The following ATP11C variants were observed in gnomAD, a reference collection of about 807,000 sequenced individuals.
ATP11C encodes phospholipid-transporting ATPase IG.
A neutral mutation model predicts 97.4 loss-of-function variants in ATP11C; 36 were observed. The observed-to-expected ratio is 0.37, with a 90% CI of 0.28 to 0.49. ATP11C has a LOEUF of 0.49. Among genes scored for constraint, ATP11C ranks in the 20% least tolerant of loss-of-function variants. The pLI, the probability that ATP11C is intolerant of heterozygous loss-of-function variation, is 0.98. For synonymous variants in ATP11C, 275 were observed against 290.9 expected (o/e 0.95, Z 0.56); for missense variants, 730 against 824.6 (o/e 0.89, Z 1.40).
chrX:139,763,223 T>A, intron 21 of ATP11C, 93 bp downstream of exon 21: 1 of 659,388 alleles, frequency 1.5e-6, no homozygotes, highest in Non-Finnish European at 2.3e-6. Context: ...TCAAGATGAG[T>A]AACCAAAACA....
chrX:139,853,065 C>T (rs1259255288), intron 1 of ATP11C, among the ~76,000 whole-genome samples: 3 of 111,330 alleles, frequency 2.7e-5, no homozygotes, highest in Non-Finnish European at 5.7e-5. Flanking sequence ...AGGGGTTGAG[C>T]CTCCTGGGAC....
intron 15 of ATP11C, 69 bp downstream of exon 15, chrX:139,787,104 C>T: frequency 8.4e-7 from 1 of 1,192,262 alleles, no homozygotes; most frequent in Admixed American, 2.2e-5. Context: ...CTTTGCTGCC[C>T]TGCCTGAATC....
At chrX:139,837,605 A>G (rs746217352) in intron 1 of ATP11C, among the ~76,000 whole-genome samples, 1 of 112,695 alleles carries the variant, frequency 8.9e-6, no homozygotes, top group African/African-American at 3.2e-5. Context: ...ATGCTGTCAA[A>G]TAGAAAATAG....
At chrX:139,837,202 G>A (rs1352805175) in intron 1 of ATP11C, among the ~76,000 whole-genome samples, 1 of 112,052 alleles carries the variant, frequency 8.9e-6, no homozygotes, top group Non-Finnish European at 1.9e-5. Flanking sequence ...GTAGTTAGAA[G>A]TTCTATTCAA....
At chrX:139,848,274 A>G in intron 1 of ATP11C, among the ~76,000 whole-genome samples, 1 of 111,152 alleles carries the variant, frequency 9.0e-6, no homozygotes, top group South Asian at 3.8e-4. Context: ...ATCCACATGC[A>G]ACACCCACCC....
At chrX:139,781,890 A>T (rs746548390) in intron 18 of ATP11C, among the ~76,000 whole-genome samples, 18 of 111,791 alleles carry the variant, frequency 1.6e-4, no homozygotes, top group Non-Finnish European at 2.3e-4. Context: ...CACCAGCTCA[A>T]ACAATGGCTG....
intron 1 of ATP11C, among the ~76,000 whole-genome samples, chrX:139,839,025 T>C (rs552454906): frequency 6.3e-4 from 70 of 111,527 alleles, no homozygotes; most frequent in Middle Eastern, 4.7e-3. Flanking sequence ...ATCCATACAA[T>C]GAAATATTAT....
At chrX:139,901,549 C>G in intron 1 of ATP11C, among the ~76,000 whole-genome samples, 1 of 111,523 alleles carries the variant, frequency 9.0e-6, no homozygotes, top group East Asian at 2.8e-4. Flanking sequence ...ATGCTGGTAG[C>G]CCCGTGGGGA....
intron 5 of ATP11C, among the ~76,000 whole-genome samples, chrX:139,814,555 T>C (rs2083244893): frequency 8.9e-6 from 1 of 112,041 alleles, no homozygotes; most frequent in African/African-American, 3.2e-5. Flanking sequence ...AATGCTGCTA[T>C]ATACTATAAT....
chrX:139,769,467 G>A (rs1436236197), intron 19 of ATP11C, among the ~76,000 whole-genome samples: 1 of 105,044 alleles, frequency 9.5e-6, no homozygotes, highest in Non-Finnish European at 1.9e-5. Context: ...GCCAGGGCTT[G>A]GTTATATATA....
At chrX:139,774,654 A>T in intron 19 of ATP11C, 36 bp downstream of exon 19, 1 of 1,134,414 alleles carries the variant, frequency 8.8e-7, no homozygotes, top group Non-Finnish European at 1.2e-6. Flanking sequence ...CATCTACACC[A>T]ATGTCTAAAT....
intron 1 of ATP11C, among the ~76,000 whole-genome samples, chrX:139,849,256 A>T (rs192012906): frequency 9.0e-6 from 1 of 111,574 alleles, no homozygotes; most frequent in East Asian, 2.8e-4. Context: ...TTGACCAATA[A>T]TTATCCTGTC....
At chrX:139,855,475 C>A (rs1176083919) in intron 1 of ATP11C, among the ~76,000 whole-genome samples, 1 of 111,203 alleles carries the variant, frequency 9.0e-6, no homozygotes, top group African/African-American at 3.3e-5. Flanking sequence ...TGCTAACCAC[C>A]GCTGTTCGTA....
intron 3 of ATP11C, among the ~76,000 whole-genome samples, chrX:139,817,802 T>C (rs974422292): frequency 2.7e-5 from 3 of 111,230 alleles, no homozygotes; most frequent in Non-Finnish European, 5.6e-5. Flanking sequence ...TAGATGTAAA[T>C]GCTAATATTA....
chrX:139,784,011 T>TTGCA (rs1381631700), intron 16 of ATP11C, among the ~76,000 whole-genome samples: 2 of 112,382 alleles, frequency 1.8e-5, no homozygotes, highest in African/African-American at 6.5e-5. Flanking sequence ...GGCTTGATAG[T>TTGCA]TTTTACTGAT....
rs965302789 is a variant in ATP11C, at chrX:139,726,727, CAA to C, written c.*2237_*2238del. ...CAATGGACAGCGGTTGTGAAAATTACAAAGACATTTTGATAGCTCAAAATTAT... is the reference window on the plus strand; with the variant it reads ...CAATGGACAGCGGTTGTGAAAATTACAGACATTTTGATAGCTCAAAATTAT... On this transcript the variant is annotated 3_prime_UTR_variant, in exon 30 of 30. Transcript: ENST00000682941. The C allele has an allele frequency of 6.2e-5, 7 of 112,212 alleles. No individual in the cohort carries two copies. 9.2% of individuals were successfully genotyped at this position (112,212 alleles called of 1,213,427 possible).
chrX:139,803,685 C>CTTTTTTTTTTTTTTTTTTTTTTTTTTTT lies in ATP11C; in HGVS notation c.555+758_555+785dup, dbSNP rs140315105. On this transcript the variant is annotated intron_variant, in intron 6 of 29. Transcript: ENST00000682941. ...AAACATTTTCCAAACTACACCCTAT[C>CTTTTTTTTTTTTTTTTTTTTTTTTTTTT]TTTTTTTTTTTTTTTTTTTTTTTTT... Among the ~76,000 whole-genome samples, 3 of 38,257 alleles carry CTTTTTTTTTTTTTTTTTTTTTTTTTTTT rather than the reference C, an allele frequency of 7.8e-5. 1 individual carries two copies. Among genetic ancestry groups the CTTTTTTTTTTTTTTTTTTTTTTTTTTTT allele is most frequent in the African/African-American group, 3.1e-4 (3 of 9,548 alleles). The allele number at this position is 38,257 out of a possible 115,157, so 33.2% of individuals were successfully genotyped here.
At chrX:139,802,363 T>A (rs1487301113) in intron 6 of ATP11C, 24 bp from the exon 7 acceptor site, 3 of 1,073,668 alleles carry the variant, frequency 2.8e-6, no homozygotes, top group Admixed American at 4.6e-5. Flanking sequence ...GAAGAAAAAG[T>A]GAAAACCAAA....
At chrX:139,822,233 G>A (rs1474196318) in intron 2 of ATP11C, among the ~76,000 whole-genome samples, 1 of 112,361 alleles carries the variant, frequency 8.9e-6, no homozygotes, top group Non-Finnish European at 1.9e-5. Context: ...GTCTCACACT[G>A]TCACCCAGGC....
Sources: gnomAD v4.1 joint callset for allele counts (sites outside exome capture counted in the v4.1 genomes callset) on GRCh38, gnomAD v4.1.1 for gene constraint, MANE v1.5 for transcripts, NCBI Gene and HGNC (gene_info 2026-07-23, HGNC 2026-07-21) for gene names.